Variants in GAS2 observed in about 807,000 individuals in gnomAD.
The protein encoded by GAS2 is growth arrest-specific protein 2.
GAS2 carries 20 observed loss-of-function variants against 37.5 expected under a neutral mutation model. That is an observed-to-expected ratio of 0.53 (90% CI 0.37 to 0.77). The LOEUF is 0.77. Ranked by LOEUF, GAS2 falls within the 30% of genes least tolerant of loss-of-function variation. The pLI is 0.00. For missense variants in GAS2, 336 were observed against 373.4 expected (o/e 0.90, Z 0.82); for synonymous variants, 144 against 132.2 (o/e 1.09, Z -0.61).
chr11:22,652,654 G>A lies in GAS2; in HGVS notation c.-20-22196G>A, dbSNP rs377452913. Reference sequence around the variant, plus strand: ...TGTGTTTTAAGCCCGTGGGAAAAGCGCAGTATTCGGGTGGGAGTGACCCGA... The same window carrying A: ...TGTGTTTTAAGCCCGTGGGAAAAGCACAGTATTCGGGTGGGAGTGACCCGA... On this transcript the variant is annotated intron_variant, in intron 1 of 5. Coordinates refer to the GAS2 transcript ENST00000528582. 1.2e-4 allele frequency among the ~76,000 whole-genome samples: 19 copies of A among 152,334 alleles called. 1 individual carries two copies. In the East Asian group the frequency reaches 3.1e-3, roughly 25 times the overall value.
intron 7 of GAS2, among the ~76,000 whole-genome samples, chr11:22,776,794 A>G (rs1452671086): frequency 6.6e-6 from 1 of 152,164 alleles, no homozygotes; most frequent in East Asian, 1.9e-4. Flanking sequence ...CTGAATTTCT[A>G]TGGCATTTAT....
intron 1 of GAS2, among the ~76,000 whole-genome samples, chr11:22,649,464 A>C (rs1322787100): frequency 6.6e-6 from 1 of 151,918 alleles, no homozygotes; most frequent in African/African-American, 2.4e-5. Context: ...GTCTTTTTCT[A>C]TTGATTGGAA....
At chr11:22,672,008 A>G (rs1483180475) in intron 1 of GAS2, among the ~76,000 whole-genome samples, 1 of 152,140 alleles carries the variant, frequency 6.6e-6, no homozygotes, top group Non-Finnish European at 1.5e-5. Context: ...ATCATGAGAA[A>G]TTGGATTGAG....
intron 7 of GAS2, among the ~76,000 whole-genome samples, chr11:22,771,859 T>C (rs931099229): frequency 6.6e-6 from 1 of 152,216 alleles, no homozygotes; most frequent in East Asian, 1.9e-4. Flanking sequence ...TTGAAAGAAC[T>C]GTTAGAAAGC....
At chr11:22,654,457 G>A (rs1006559026) in intron 1 of GAS2, among the ~76,000 whole-genome samples, 3 of 150,598 alleles carry the variant, frequency 2.0e-5, no homozygotes, top group African/African-American at 4.9e-5. Flanking sequence ...CTGCAGTGGT[G>A]CAATCATGGC....
chr11:22,773,908 G>A (rs1328622560), intron 7 of GAS2, among the ~76,000 whole-genome samples: 5 of 152,132 alleles, frequency 3.3e-5, no homozygotes, highest in East Asian at 1.9e-4. Context: ...GGGAGGCATC[G>A]ATATATGTAA....
At chr11:22,738,709 G>T (rs924922565) in intron 5 of GAS2, among the ~76,000 whole-genome samples, 2 of 152,074 alleles carry the variant, frequency 1.3e-5, no homozygotes, top group Non-Finnish European at 2.9e-5. Flanking sequence ...TTACAACTTG[G>T]CTAGAAAACT....
chr11:22,674,752 A>G (rs1849347268), intron 1 of GAS2, 98 bp from the exon 2 acceptor site: 1 of 885,276 alleles, frequency 1.1e-6, no homozygotes, highest in Non-Finnish European at 1.7e-6. Flanking sequence ...AACTGTCATC[A>G]GAAAACCCGC....
At chr11:22,695,252 G>A (rs940726000) in intron 3 of GAS2, among the ~76,000 whole-genome samples, 4 of 152,120 alleles carry the variant, frequency 2.6e-5, no homozygotes, top group Admixed American at 6.5e-5. Flanking sequence ...CCTGGGAGGC[G>A]GAGGTTGCAG....
chr11:22,661,362 G>A (rs1409921558), intron 1 of GAS2, among the ~76,000 whole-genome samples: 2 of 151,774 alleles, frequency 1.3e-5, no homozygotes, highest in Non-Finnish European at 2.9e-5. Context: ...CAATTATTTG[G>A]CAACCTTAGG....
chr11:22,782,157 G>A (rs1222140567), intron 7 of GAS2, among the ~76,000 whole-genome samples: 1 of 152,108 alleles, frequency 6.6e-6, no homozygotes, highest in Admixed American at 6.6e-5. Flanking sequence ...GTCACTTTGA[G>A]TAAGTTATGC....
chr11:22,707,984 T>G (rs1195244240), intron 3 of GAS2, among the ~76,000 whole-genome samples: 1 of 152,116 alleles, frequency 6.6e-6, no homozygotes, highest in Non-Finnish European at 1.5e-5. Context: ...TGTTTAGATC[T>G]GAGATGTTAA....
intron 7 of GAS2, among the ~76,000 whole-genome samples, chr11:22,782,556 C>G (rs535455756): frequency 6.6e-6 from 1 of 151,706 alleles, no homozygotes; most frequent in South Asian, 2.1e-4. Context: ...AGCTCTTGCC[C>G]CCACATCCTT....
intron 1 of GAS2, chr11:22,626,686 A>C (rs926233750): frequency 6.6e-6 from 1 of 152,184 alleles, no homozygotes; most frequent in Non-Finnish European, 1.5e-5. Context: ...AGTTCATAAT[A>C]TAGTAATTCA....
chr11:22,749,316 A>G (rs1206163214), intron 6 of GAS2, 55 bp downstream of exon 6: 2 of 1,503,684 alleles, frequency 1.3e-6, no homozygotes, highest in Admixed American at 1.9e-5. Context: ...TGCACTACAA[A>G]ACATATTCTG....
intron 7 of GAS2, among the ~76,000 whole-genome samples, chr11:22,798,976 C>A (rs1856546817): frequency 1.3e-5 from 2 of 152,082 alleles, no homozygotes; most frequent in Admixed American, 1.3e-4. Flanking sequence ...AACACTTTTC[C>A]TCTGGAGAGC....
intron 3 of GAS2, among the ~76,000 whole-genome samples, chr11:22,693,921 C>G (rs145568269): frequency 6.6e-6 from 1 of 152,066 alleles, no homozygotes; most frequent in Admixed American, 6.6e-5. Flanking sequence ...CAAAGAAACC[C>G]AAATACTGCA....
chr11:22,787,448 C>CATAT (rs1361030046), intron 7 of GAS2, among the ~76,000 whole-genome samples: 1 of 151,830 alleles, frequency 6.6e-6, no homozygotes, highest in African/African-American at 2.4e-5. Context: ...AGTGCATGTA[C>CATAT]ATATACATAG....
chr11:22,731,168 A>G (rs1485310162), intron 4 of GAS2, among the ~76,000 whole-genome samples: 2 of 151,788 alleles, frequency 1.3e-5, no homozygotes, highest in Non-Finnish European at 2.9e-5. Context: ...GAAATTGTCA[A>G]GTTAACTTTT....
Sources: gnomAD v4.1 joint callset for allele counts (sites outside exome capture counted in the v4.1 genomes callset) on GRCh38, gnomAD v4.1.1 for gene constraint, MANE v1.5 for transcripts, NCBI Gene and HGNC (gene_info 2026-07-23, HGNC 2026-07-21) for gene names.